SMARCAD1: variants seen among roughly 807,000 people sequenced by gnomAD.
SMARCAD1 encodes SNF2 related chromatin remodeling ATPase with DExD box 1.
Under a neutral mutation model 127.1 loss-of-function variants are expected in SMARCAD1, and 25 were observed. The ratio of observed to expected loss-of-function variants is 0.20; its 90% CI spans 0.14 to 0.27. SMARCAD1 has a LOEUF of 0.27. Among genes scored for constraint, SMARCAD1 ranks in the 10% least tolerant of loss-of-function variants. The pLI, the probability that SMARCAD1 is intolerant of heterozygous loss-of-function variation, is 1.00. For missense variants in SMARCAD1, 807 were observed against 1,206.0 expected, an observed-to-expected ratio of 0.67 and a Z score of 4.90; for synonymous variants, 400 against 396.9, an observed-to-expected ratio of 1.01 and a Z score of -0.09.
chr4:94,239,209 G>C (rs1029131085), intron 5 of SMARCAD1, among the ~76,000 whole-genome samples: 2 of 152,162 alleles, frequency 1.3e-5, no homozygotes, highest in African/African-American at 4.8e-5. Flanking sequence ...TAACCTTGAA[G>C]ATAAGGTTAA....
At chr4:94,264,477 A>T (rs77562866) in intron 9 of SMARCAD1, 4,079 of 387,446 alleles carry the variant, frequency 0.011, 151 homozygotes, top group African/African-American at 0.074. Flanking sequence ...TTGAGGTAAG[A>T]TATATTTTAC....
rs540639305 is a variant in SMARCAD1, at chr4:94,278,669, G to A, written c.2232G>A (p.Ser744=). The part of the protein sequence containing the change: ...KKDRIELCAM[S]EKQEQLYLGL... ...ATCGAATTGAGTTGTGTGCAATGTCGGAGAAGCAGGAGCAACTCTATTTGG... is the reference window on the plus strand; with the variant it reads ...ATCGAATTGAGTTGTGTGCAATGTCAGAGAAGCAGGAGCAACTCTATTTGG... Residue 744 remains serine, a synonymous_variant, in exon 18 of 24, where the codon TCG becomes TCA. Coordinates refer to ENST00000354268, the MANE Select transcript of SMARCAD1 (RefSeq NM_020159.5). The A allele has an allele frequency of 1.5e-5, 25 of 1,613,802 alleles. No homozygotes were observed. Among genetic ancestry groups the A allele is most frequent in the South Asian group, 8.8e-5 (8 of 91,030 alleles).
intron 9 of SMARCAD1, among the ~76,000 whole-genome samples, chr4:94,260,122 CCTCCCCAGTG>C (rs1156765211): frequency 1.3e-5 from 2 of 152,022 alleles, no homozygotes; most frequent in African/African-American, 4.8e-5. Flanking sequence ...TCTGATTATA[CCTCCCCAGTG>C]TAGTTTAACA....
At chr4:94,276,590 CTG>C in intron 15 of SMARCAD1, 116 bp downstream of exon 15, 1 of 1,325,766 alleles carries the variant, frequency 7.5e-7, no homozygotes, top group Non-Finnish European at 1.0e-6. Context: ...ATGTAGTATT[CTG>C]TGTTAGCAAG....
chr4:94,222,478 C>G (rs1360038297), intron 2 of SMARCAD1, among the ~76,000 whole-genome samples: 1 of 143,880 alleles, frequency 7.0e-6, no homozygotes, highest in Non-Finnish European at 1.5e-5. Flanking sequence ...CTGTTAATCA[C>G]TTGCCAAGCA....
intron 6 of SMARCAD1, among the ~76,000 whole-genome samples, chr4:94,244,675 T>C (rs866030926): frequency 6.6e-6 from 1 of 151,966 alleles, no homozygotes; most frequent in Non-Finnish European, 1.5e-5. Context: ...ATAGCAAAAA[T>C]GTATGGATGG....
intron 22 of SMARCAD1, among the ~76,000 whole-genome samples, chr4:94,283,790 C>G (rs1754453236): frequency 6.6e-6 from 1 of 151,974 alleles, no homozygotes; most frequent in Non-Finnish European, 1.5e-5. Flanking sequence ...ACCACCACTG[C>G]ACTCCAGCCT....
chr4:94,231,765 A>G (rs978311999), intron 3 of SMARCAD1, among the ~76,000 whole-genome samples: 1 of 152,018 alleles, frequency 6.6e-6, no homozygotes, highest in Non-Finnish European at 1.5e-5. Context: ...ACATTTGGCT[A>G]TTAGGCTTCA....
intron 5 of SMARCAD1, among the ~76,000 whole-genome samples, chr4:94,240,554 C>A (rs1428825057): frequency 6.6e-6 from 1 of 152,208 alleles, no homozygotes; most frequent in African/African-American, 2.4e-5. Context: ...AGATAACTTA[C>A]ACTTGGTGGG....
chr4:94,250,955 G>T (rs1254476823), intron 8 of SMARCAD1, 122 bp downstream of exon 8: 2 of 702,378 alleles, frequency 2.8e-6, no homozygotes, highest in African/African-American at 1.8e-5. Flanking sequence ...TGCAAAAGAT[G>T]TTGAAAGTAA....
At chr4:94,249,060 GAGA>G (rs1161656209) in intron 6 of SMARCAD1, among the ~76,000 whole-genome samples, 1 of 152,080 alleles carries the variant, frequency 6.6e-6, no homozygotes, top group Non-Finnish European at 1.5e-5. Flanking sequence ...TTAAGTGACA[GAGA>G]AGAAGGAAAA....
Position 94,284,939 on chromosome 4 carries a change from A to G in SMARCAD1, c.2910-21A>G, listed in dbSNP as rs754876205. 8.1e-6 allele frequency: 11 copies of G among 1,366,456 alleles called. No individual in the cohort carries two copies. The South Asian group carries it at 1.3e-4, about 16-fold the overall frequency. The allele number at this position is 1,366,456 out of a possible 1,614,324, so 84.6% of individuals were successfully genotyped here. A position where few individuals can be genotyped will look rare whatever the true frequency, so the allele number is the denominator to read the frequency against. The stretch of plus-strand genomic sequence containing the variant: ...TAACTATATTTAGTAACCAATGGAC[A>G]TATTTTGTATTTTTTTTTAGAGAAG... On this transcript the variant is annotated intron_variant, in intron 22 of 23. Coordinates refer to ENST00000354268, the MANE Select transcript of SMARCAD1 (RefSeq NM_020159.5).
chr4:94,232,426 C>T (rs1344052512), intron 3 of SMARCAD1, among the ~76,000 whole-genome samples: 2 of 152,024 alleles, frequency 1.3e-5, no homozygotes, highest in African/African-American at 2.4e-5. Flanking sequence ...TCTCAGTCAC[C>T]TAAGAGGCAA....
intron 19 of SMARCAD1, among the ~76,000 whole-genome samples, chr4:94,279,737 C>CT (rs1333962463): frequency 2.0e-5 from 3 of 152,092 alleles, no homozygotes; most frequent in Non-Finnish European, 4.4e-5. Context: ...CCATAATGCA[C>CT]TTCTTTTTCA....
intron 11 of SMARCAD1, among the ~76,000 whole-genome samples, chr4:94,273,011 G>A (rs1352935643): frequency 6.6e-6 from 1 of 151,944 alleles, no homozygotes; most frequent in Non-Finnish European, 1.5e-5. Context: ...TTGCCATGTT[G>A]CCCGGGCTTG....
chr4:94,240,814 T>C (rs1747465805), intron 5 of SMARCAD1, 92 bp from the exon 6 acceptor site: 1 of 844,220 alleles, frequency 1.2e-6, no homozygotes, highest in Non-Finnish European at 2.0e-6. Context: ...CTGTCTAGTA[T>C]TCATTATAAT....
intron 2 of SMARCAD1, among the ~76,000 whole-genome samples, chr4:94,211,861 C>A (rs973270769): frequency 6.6e-6 from 1 of 152,162 alleles, no homozygotes; most frequent in Non-Finnish European, 1.5e-5. Flanking sequence ...TCCTTGATCA[C>A]CCTGTGAAAT....
rs1371744926 is a variant in SMARCAD1, at chr4:94,278,725, A to G, written c.2288A>G (p.Asn763Ser). Residue 763 changes from asparagine to serine, a missense_variant, in exon 18 of 24, where the codon AAT (asparagine) becomes AGT (serine). Physicochemically the swap from Asn to Ser is conservative, Grantham distance 46. Coordinates refer to ENST00000354268, the MANE Select transcript of SMARCAD1 (RefSeq NM_020159.5). ...GLFNRLKKSI[N>S]NLEKNTEMCN... ...TTCAACAGATTGAAAAAATCTATCA[A>G]TAACTTGGGTATAATCTGATTTTTA... is the stretch of plus-strand genomic sequence containing the variant. The G allele has an allele frequency of 3.1e-6, 5 of 1,613,600 alleles. No homozygotes were observed. Among genetic ancestry groups the G allele is most frequent in the Admixed American group, 1.7e-5 (1 of 59,998 alleles).
At chr4:94,281,872 G>GCAA (rs34933276) in intron 21 of SMARCAD1, among the ~76,000 whole-genome samples, 4 of 147,902 alleles carry the variant, frequency 2.7e-5, no homozygotes, top group Non-Finnish European at 6.0e-5. Context: ...AACACCAATA[G>GCAA]CAACAACAAC....
Sources: gnomAD v4.1 joint callset for allele counts (sites outside exome capture counted in the v4.1 genomes callset) on GRCh38, gnomAD v4.1.1 for gene constraint, MANE v1.5 for transcripts, NCBI Gene and HGNC (gene_info 2026-07-23, HGNC 2026-07-21) for gene names.